Variants in ADGRV1 observed in about 807,000 individuals in gnomAD.
ADGRV1 encodes G-protein coupled receptor 98.
A neutral mutation model predicts 596.2 loss-of-function variants in ADGRV1; 359 were observed. The observed-to-expected ratio is 0.60, with a 90% CI of 0.55 to 0.66. The LOEUF (loss-of-function observed/expected upper bound fraction) is 0.66, where lower values mean the gene tolerates loss of function less well. Ranked by LOEUF, ADGRV1 falls within the 30% of genes least tolerant of loss-of-function variation. ADGRV1 has a pLI of 0.00. For missense variants in ADGRV1, 7,274 were observed against 7,575.6 expected (o/e 0.96, Z 1.48); for synonymous variants, 2,681 against 2,679.2 (o/e 1.00, Z -0.02).
Position 90,710,995 on chromosome 5 carries a change from A to G in ADGRV1, c.8839A>G (p.Thr2947Ala). 6.2e-7 allele frequency: 1 copy of G among 1,606,440 alleles called. No individual in the cohort carries two copies. Among genetic ancestry groups the G allele is most frequent in the South Asian group, 1.1e-5 (1 of 89,954 alleles). ...FPPRLDSEGL[T>A]AQVIIDANDG... The stretch of plus-strand genomic sequence containing the variant: ...TGTTTTTTAAGATTCAGAAGGTTTG[A>G]CTGCACAAGTTATTATTGATGCCAA... Residue 2947 changes from threonine (T) to alanine (A), a missense_variant, in exon 40 of 90, where the codon ACT becomes GCT. By Grantham distance (58) the Thr-to-Ala change is moderately conservative. Transcript: ENST00000405460.
chr5:91,124,876 A>G (rs1456026142), intron 87 of ADGRV1, among the ~76,000 whole-genome samples: 2 of 152,216 alleles, frequency 1.3e-5, no homozygotes, highest in South Asian at 2.1e-4. Flanking sequence ...ATTTCTAAAG[A>G]CATTTTAACT....
intron 83 of ADGRV1, among the ~76,000 whole-genome samples, chr5:90,926,402 T>A (rs1334554109): frequency 2.0e-5 from 3 of 149,074 alleles, no homozygotes; most frequent in Middle Eastern, 3.2e-3. Context: ...TCTTCTAGAT[T>A]TTCTAGTTTA....
chr5:91,136,827 G>A lies in ADGRV1; in HGVS notation c.18433-13203G>A, dbSNP rs545106199. ...CCACCCTGTTCTTTACAAGAGACTGGCTATTTTCAATGAAGAAAATTAAGC... is the reference window on the plus strand; with the variant it reads ...CCACCCTGTTCTTTACAAGAGACTGACTATTTTCAATGAAGAAAATTAAGC... On this transcript the variant is annotated intron_variant, in intron 87 of 89. Transcript: ENST00000405460. Among the ~76,000 whole-genome samples, 8 of 152,246 alleles carry A rather than the reference G, an allele frequency of 5.3e-5. No individual in the cohort carries two copies. In the South Asian group the frequency reaches 1.7e-3, roughly 32 times the overall value.
intron 21 of ADGRV1, among the ~76,000 whole-genome samples, chr5:90,661,879 T>A (rs1237419300): frequency 6.6e-6 from 1 of 152,222 alleles, no homozygotes; most frequent in Non-Finnish European, 1.5e-5. Context: ...GTCTTATGCA[T>A]TTCTGTATTA....
intron 34 of ADGRV1, among the ~76,000 whole-genome samples, chr5:90,701,972 T>C (rs1362705691): frequency 7.6e-6 from 1 of 132,044 alleles, no homozygotes; most frequent in African/African-American, 2.8e-5. Context: ...AATTTTCTTT[T>C]TGAACCATTA....
At chr5:90,629,035 G>T in intron 8 of ADGRV1, 175 bp from the exon 9 acceptor site, 1 of 654,456 alleles carries the variant, frequency 1.5e-6, no homozygotes. Flanking sequence ...TGTGATTTAG[G>T]AATATTTCCA....
chr5:90,943,724 T>C (rs983875487), intron 83 of ADGRV1, among the ~76,000 whole-genome samples: 2 of 152,320 alleles, frequency 1.3e-5, no homozygotes, highest in Admixed American at 1.3e-4. Context: ...CAATCCTTAG[T>C]GTGCCTTGGC....
intron 13 of ADGRV1, among the ~76,000 whole-genome samples, 195 bp downstream of exon 13, chr5:90,643,236 T>G (rs1184893000): frequency 6.6e-6 from 1 of 152,158 alleles, no homozygotes; most frequent in Non-Finnish European, 1.5e-5. Context: ...GAATGGTGTA[T>G]TTTTGCTCCA....
intron 21 of ADGRV1, among the ~76,000 whole-genome samples, chr5:90,668,319 G>GT (rs1322651231): frequency 6.6e-6 from 1 of 151,364 alleles, no homozygotes; most frequent in Non-Finnish European, 1.5e-5. Context: ...GTGGTGCGCC[G>GT]TTTTTTAAGC....
At chr5:90,958,070 T>G (rs889720799) in intron 83 of ADGRV1, among the ~76,000 whole-genome samples, 1 of 151,598 alleles carries the variant, frequency 6.6e-6, no homozygotes, top group Non-Finnish European at 1.5e-5. Context: ...GAGCTCAGGA[T>G]TGCAAGACCA....
intron 21 of ADGRV1, among the ~76,000 whole-genome samples, chr5:90,660,894 G>C (rs1770179531): frequency 6.6e-6 from 1 of 152,156 alleles, no homozygotes; most frequent in Admixed American, 6.5e-5. Context: ...CACATTGAAA[G>C]AGAAGGTAAT....
chr5:91,083,869 A>C (rs1242161669), intron 86 of ADGRV1, among the ~76,000 whole-genome samples: 1 of 152,164 alleles, frequency 6.6e-6, no homozygotes, highest in Non-Finnish European at 1.5e-5. Context: ...GGAGTTCAAG[A>C]CTGTAGTGCA....
intron 9 of ADGRV1, among the ~76,000 whole-genome samples, chr5:90,632,153 T>C (rs2149392804): frequency 6.6e-6 from 1 of 152,314 alleles, no homozygotes; most frequent in African/African-American, 2.4e-5. Flanking sequence ...TGGGATTTTT[T>C]TGGTCTTACT....
chr5:90,938,759 A>C (rs1376388001), intron 83 of ADGRV1, among the ~76,000 whole-genome samples: 1 of 152,202 alleles, frequency 6.6e-6, no homozygotes, highest in African/African-American at 2.4e-5. Context: ...GGTTTTTATT[A>C]ATCACTGAAA....
rs773086150 is a variant in ADGRV1 at position 90,725,119 on chromosome 5, G to A, written c.9940G>A (p.Ala3314Thr). Residue 3314 changes from alanine (A) to threonine (T), a missense_variant, in exon 47 of 90, where the codon GCC becomes ACC. Coordinates refer to ENST00000405460, the MANE Select transcript of ADGRV1 (RefSeq NM_032119.4). Reference protein sequence around the residue: ...LNIENPKTCEAFNIGFSPYFV... With the variant: ...LNIENPKTCETFNIGFSPYFV... ...TATAGAAAATCCTAAAACTTGTGAG[G>A]CCTTTAATATTGGTTTTTCTCCCTA... The A allele has an allele frequency of 1.4e-5, 22 of 1,536,980 alleles. No individual in the cohort carries two copies. The highest frequency in any genetic ancestry group is 2.1e-5 in the Admixed American group (1 of 48,600).
At position 90,848,763 on chromosome 5, in the gene ADGRV1, A is replaced by C; in HGVS notation, c.17146A>C (p.Thr5716Pro). The C allele has an allele frequency of 6.3e-7, 1 of 1,589,602 alleles. No homozygotes were observed. Among genetic ancestry groups the C allele is most frequent in the Non-Finnish European group, 8.5e-7 (1 of 1,170,776 alleles). The change falls in exon 79 of 90, where the codon ACT becomes CCT. Residue 5716 changes from threonine to proline, a missense_variant. Coordinates refer to ENST00000405460, the MANE Select transcript of ADGRV1 (RefSeq NM_032119.4). Reference sequence around the variant, plus strand: ...GGGATTCAGTCACTTTGCTGAAGTGACTGAGAATTTTGCCTTTTCTCTGCT... The same window carrying C: ...GGGATTCAGTCACTTTGCTGAAGTGCCTGAGAATTTTGCCTTTTCTCTGCT... ...TRGFSHFAEVTENFAFSLLTN... is the reference protein window; with the variant it reads ...TRGFSHFAEVPENFAFSLLTN...
In ADGRV1 at chr5:90,781,543, T is replaced by G. The variant is rs760659546; in HGVS notation, c.13196T>G (p.Ile4399Ser). 6.2e-7 allele frequency: 1 copy of G among 1,610,872 alleles called. No individual in the cohort carries two copies. Among genetic ancestry groups the G allele is most frequent in the South Asian group, 1.1e-5 (1 of 90,650 alleles). Reference sequence around the variant, plus strand: ...ATGAAAAATGATAACGCAGAAGGCATCATTGAATTTGACCCAAAGTATACT... The same window carrying G: ...ATGAAAAATGATAACGCAGAAGGCAGCATTGAATTTGACCCAAAGTATACT... ...IIMKNDNAEG[I>S]IEFDPKYTAF... Residue 4399 changes from isoleucine to serine, a missense_variant, in exon 65 of 90, where the codon ATC becomes AGC. By Grantham distance (142) the Ile-to-Ser change is moderately radical (BLOSUM62 -2). This residue lies in a region of ADGRV1 where 3,643 missense variants were observed against 3,809.2 expected (regional missense o/e 0.96). Transcript: ENST00000405460.
chr5:91,075,855 C>G (rs900735333), intron 86 of ADGRV1, among the ~76,000 whole-genome samples: 1 of 152,142 alleles, frequency 6.6e-6, no homozygotes, highest in Non-Finnish European at 1.5e-5. Flanking sequence ...ACGGTCTGAC[C>G]CAGGACCATC....
intron 87 of ADGRV1, among the ~76,000 whole-genome samples, chr5:91,148,089 A>G (rs1795709242): frequency 6.6e-6 from 1 of 152,230 alleles, no homozygotes; most frequent in Non-Finnish European, 1.5e-5. Context: ...TATCTGGCGG[A>G]AGAAATTTCT....
Sources: gnomAD v4.1 joint callset for allele counts (sites outside exome capture counted in the v4.1 genomes callset) on GRCh38, gnomAD v4.1.1 for gene constraint, gnomAD v4.1.1 regional missense constraint, MANE v1.5 for transcripts, NCBI Gene and HGNC (gene_info 2026-07-23, HGNC 2026-07-21) for gene names.